The following SLC44A1 variants were observed in gnomAD, a reference collection of about 807,000 sequenced individuals.
The protein encoded by SLC44A1 is choline transporter-like protein 1.
In SLC44A1, 26 loss-of-function variants were observed where a neutral mutation model predicts 79.3. That is an observed-to-expected ratio of 0.33 (90% confidence interval 0.24 to 0.46). SLC44A1 has a LOEUF of 0.46. Among genes scored for constraint, SLC44A1 ranks in the 20% least tolerant of loss-of-function variants. The pLI is 1.00. For missense variants in SLC44A1, 688 were observed against 798.1 expected, an observed-to-expected ratio of 0.86 and a Z score of 1.66; for synonymous variants, 263 against 286.2, an observed-to-expected ratio of 0.92 and a Z score of 0.82.
At chr9:105,277,347 T>A (rs1347195637) in intron 1 of SLC44A1, among the ~76,000 whole-genome samples, 1 of 152,238 alleles carries the variant, frequency 6.6e-6, no homozygotes, top group Non-Finnish European at 1.5e-5. Flanking sequence ...CTCTCTTTAC[T>A]GCAGTTACTC....
At chr9:105,438,137 T>G in intron 15 of SLC44A1, 1 of 632,560 alleles carries the variant, frequency 1.6e-6, no homozygotes, top group East Asian at 2.8e-5. Context: ...AATCTGTGTG[T>G]GTGTGTGTGT....
chr9:105,295,763 G>T lies in SLC44A1; in HGVS notation c.37-3457G>T, dbSNP rs141141992. Among the ~76,000 whole-genome samples, 11 of 152,228 alleles carry T rather than the reference G, an allele frequency of 7.2e-5. No individual in the cohort carries two copies. In the East Asian group the frequency reaches 1.7e-3, roughly 24 times the overall value. On this transcript the variant is annotated intron_variant, in intron 1 of 15. Coordinates refer to ENST00000374720, the MANE Select transcript of SLC44A1 (RefSeq NM_080546.5). Reference sequence around the variant, plus strand: ...AGTCACAGACTTGGGGCGGGGAGTGGGGGGGAGGGCGCCAAAGACTGATTG... The same window carrying T: ...AGTCACAGACTTGGGGCGGGGAGTGTGGGGGAGGGCGCCAAAGACTGATTG...
intron 15 of SLC44A1, among the ~76,000 whole-genome samples, chr9:105,405,139 G>A (rs1829012024): frequency 6.6e-6 from 1 of 152,088 alleles, no homozygotes. Context: ...GGGCAACATG[G>A]TGAAACTACA....
At chr9:105,407,435 G>A (rs905758460) in intron 15 of SLC44A1, among the ~76,000 whole-genome samples, 8 of 152,200 alleles carry the variant, frequency 5.3e-5, no homozygotes, top group African/African-American at 1.9e-4. Flanking sequence ...GAGGGAAGCA[G>A]CTCACTACAT....
chr9:105,353,184 T>C (rs1827506909), intron 5 of SLC44A1, among the ~76,000 whole-genome samples: 1 of 152,192 alleles, frequency 6.6e-6, no homozygotes, highest in African/African-American at 2.4e-5. Context: ...TGTTTTTTTT[T>C]AACTGACATA....
chr9:105,244,822 G>C lies in SLC44A1; in HGVS notation c.-47G>C. The C allele has an allele frequency of 3.7e-6, 4 of 1,081,872 alleles. No homozygotes were observed. Among genetic ancestry groups the C allele is most frequent in the Non-Finnish European group, 4.5e-6 (4 of 887,866 alleles). 67.0% of individuals were successfully genotyped at this position (1,081,872 alleles called of 1,614,324 possible). On this transcript the variant is annotated 5_prime_UTR_variant, in exon 1 of 16. Transcript: ENST00000374720. ...GGCTCGCATGCCGAGGGGCTCCGGG[G>C]CGTAGCTGCGCGCCCGGCGCCGCCT...
chr9:105,334,009 G>C (rs1826833384), intron 3 of SLC44A1, among the ~76,000 whole-genome samples: 1 of 152,168 alleles, frequency 6.6e-6, no homozygotes, highest in Non-Finnish European at 1.5e-5. Flanking sequence ...GACATGCTTA[G>C]TCAGACGCCC....
In SLC44A1 at chr9:105,387,060, A is replaced by AAAAAAAATATATATAT. The variant is rs34780893; in HGVS notation, c.1950+1559_1950+1560insAAAAAATATATATATA. The stretch of plus-strand genomic sequence containing the variant: ...TCTCAAAAAAAAAAAAAAAAAAAAA[A>AAAAAAAATATATATAT]ATATATATATATATGATATAAAATA... On this transcript the variant is annotated intron_variant, in intron 15 of 15. Transcript: ENST00000374720. 2.6e-4 allele frequency among the ~76,000 whole-genome samples: 2 copies of AAAAAAAATATATATAT among 7,712 alleles called. 1 individual carries two copies. The highest frequency in any genetic ancestry group is 8.2e-4 in the African/African-American group (2 of 2,446). 5.1% of individuals were successfully genotyped at this position (7,712 alleles called of 152,430 possible). A position where few individuals can be genotyped will look rare whatever the true frequency, so the allele number is the denominator to read the frequency against.
intron 15 of SLC44A1, among the ~76,000 whole-genome samples, chr9:105,421,582 C>CTTTTTTTT (rs1056443918): frequency 7.7e-6 from 1 of 130,194 alleles, no homozygotes; most frequent in African/African-American, 2.8e-5. Context: ...TCAGAAATCT[C>CTTTTTTTT]TTTTTTTTTT....
At chr9:105,288,023 A>T (rs1225726401) in intron 1 of SLC44A1, among the ~76,000 whole-genome samples, 2 of 152,254 alleles carry the variant, frequency 1.3e-5, no homozygotes, top group Non-Finnish European at 2.9e-5. Context: ...ATTAAATAGC[A>T]TTAATGGAAA....
At chr9:105,332,051 T>A (rs938958435) in intron 3 of SLC44A1, among the ~76,000 whole-genome samples, 1 of 152,118 alleles carries the variant, frequency 6.6e-6, no homozygotes, top group Admixed American at 6.5e-5. Context: ...ACTTCATGTG[T>A]GTGCATTTGA....
At chr9:105,429,457 C>A (rs1196499908) in intron 15 of SLC44A1, among the ~76,000 whole-genome samples, 1 of 152,132 alleles carries the variant, frequency 6.6e-6, no homozygotes, top group Admixed American at 6.5e-5. Flanking sequence ...TATGTGCCAC[C>A]GTGCCTGGCT....
chr9:105,298,439 G>A (rs184403543), intron 1 of SLC44A1, among the ~76,000 whole-genome samples: 4 of 152,038 alleles, frequency 2.6e-5, no homozygotes, highest in African/African-American at 7.2e-5. Context: ...TGCAACCTCC[G>A]CCTCTTGAAT....
intron 15 of SLC44A1, among the ~76,000 whole-genome samples, chr9:105,415,568 T>G (rs16924583): frequency 0.048 from 7,269 of 152,206 alleles, 563 homozygotes; most frequent in African/African-American, 0.17. Context: ...ATAGTACATG[T>G]GCTTGTCTCT....
chr9:105,389,391 T>G lies in SLC44A1; in HGVS notation c.*335T>G. ...CATTTTTAATAACTTAGAGGAGATTTTAACTTTATTTAAAAATAGGTAAAA... is the reference window on the plus strand; with the variant it reads ...CATTTTTAATAACTTAGAGGAGATTGTAACTTTATTTAAAAATAGGTAAAA... On this transcript the variant is annotated 3_prime_UTR_variant, in exon 16 of 16. Transcript: ENST00000374720. 5 of 1,054,174 alleles carry G rather than the reference T, an allele frequency of 4.7e-6. No individual in the cohort carries two copies. The highest frequency in any genetic ancestry group is 5.7e-6 in the Non-Finnish European group (5 of 872,482). 65.3% of individuals were successfully genotyped at this position (1,054,174 alleles called of 1,614,324 possible).
At position 105,394,166 on chromosome 9, in the gene SLC44A1, C is replaced by G. The variant is rs1209618101; in HGVS notation, c.*5110C>G. ...CCCTCAGGGGCTAATGAACCCAAGTCAAAAGGCTGCTCTAAAGTTGTTCTG... is the reference window on the plus strand; with the variant it reads ...CCCTCAGGGGCTAATGAACCCAAGTGAAAAGGCTGCTCTAAAGTTGTTCTG... On this transcript the variant is annotated 3_prime_UTR_variant, in exon 16 of 16. Coordinates refer to ENST00000374720, the MANE Select transcript of SLC44A1 (RefSeq NM_080546.5). 1.0e-6 allele frequency: 1 copy of G among 985,260 alleles called. No individual in the cohort carries two copies. The highest frequency in any genetic ancestry group is 1.7e-5 in the African/African-American group (1 of 57,212). 61.0% of individuals were successfully genotyped at this position (985,260 alleles called of 1,614,324 possible).
chr9:105,261,931 C>A (rs925201856), intron 1 of SLC44A1, among the ~76,000 whole-genome samples: 1 of 152,010 alleles, frequency 6.6e-6, no homozygotes, highest in Non-Finnish European at 1.5e-5. Flanking sequence ...AGGCGCCCGC[C>A]ACCATGCCCA....
rs1193534282 is a variant in SLC44A1 at position 105,395,961 on chromosome 9, C to CT, written c.*6908dup. Reference sequence around the variant, plus strand: ...CAGGAATGTGACAATAATAGGATAGCTTTGGGGGCTGGTGATTTGAAACAG... The same window carrying CT: ...CAGGAATGTGACAATAATAGGATAGCTTTTGGGGGCTGGTGATTTGAAACAG... On this transcript the variant is annotated 3_prime_UTR_variant, in exon 16 of 16. Coordinates refer to ENST00000374720, the MANE Select transcript of SLC44A1 (RefSeq NM_080546.5). 1 of 981,850 alleles carries CT rather than the reference C, an allele frequency of 1.0e-6. No homozygotes were observed. The highest frequency in any genetic ancestry group is 1.2e-6 in the Non-Finnish European group (1 of 828,810). The allele number at this position is 981,850 out of a possible 1,614,324, so 60.8% of individuals were successfully genotyped here. A position where few individuals can be genotyped will look rare whatever the true frequency, so the allele number is the denominator to read the frequency against.
At chr9:105,414,987 G>A (rs556657899) in intron 15 of SLC44A1, among the ~76,000 whole-genome samples, 1 of 152,194 alleles carries the variant, frequency 6.6e-6, no homozygotes, top group East Asian at 1.9e-4. Context: ...AGGTTCTTTG[G>A]TGGGATACTC....
Sources: gnomAD v4.1 joint callset for allele counts (sites outside exome capture counted in the v4.1 genomes callset) on GRCh38, gnomAD v4.1.1 for gene constraint, MANE v1.5 for transcripts, NCBI Gene and HGNC (gene_info 2026-07-23, HGNC 2026-07-21) for gene names.